EPHA3: variants seen among roughly 807,000 people sequenced by gnomAD.
EPHA3 encodes the protein EPH receptor A3.
Under a neutral mutation model 107.1 loss-of-function variants are expected in EPHA3, and 42 were observed. The observed-to-expected ratio is 0.39, with a 90% CI of 0.31 to 0.51. EPHA3 has a LOEUF of 0.51. EPHA3 is among the 20% of genes least tolerant of loss of function. EPHA3 has a pLI of 0.78. For missense variants in EPHA3, 1,183 were observed against 1,211.2 expected (o/e 0.98, Z 0.35); for synonymous variants, 461 against 424.8 (o/e 1.09, Z -1.05).
At chr3:89,118,620 T>A (rs1707309573) in intron 1 of EPHA3, among the ~76,000 whole-genome samples, 2 of 151,876 alleles carry the variant, frequency 1.3e-5, no homozygotes, top group Admixed American at 1.3e-4. Context: ...GGCACAACTT[T>A]AAGAATCATT....
intron 3 of EPHA3, among the ~76,000 whole-genome samples, chr3:89,308,840 T>C (rs1003365661): frequency 2.0e-5 from 3 of 152,070 alleles, no homozygotes; most frequent in Non-Finnish European, 4.4e-5. Flanking sequence ...CGAAGAAGAT[T>C]CATACTGAAT....
rs1339349496 is a variant in EPHA3 at position 89,351,490 on chromosome 3, G to A, written c.1306+9400G>A. On this transcript the variant is annotated intron_variant, in intron 5 of 16. Transcript: ENST00000336596. ...CTGCTTCGGCTCGCGCACGGTGCGC[G>A]CACCCACTGGCCTGCGCCCACTGTC... is the stretch of plus-strand genomic sequence containing the variant. Among the ~76,000 whole-genome samples, 175 of 141,590 alleles carry A rather than the reference G, an allele frequency of 1.2e-3. 6 individuals carry two copies. The highest frequency in any genetic ancestry group is 1.6e-3 in the Non-Finnish European group (99 of 62,894). The allele number at this position is 141,590 out of a possible 152,430, so 92.9% of individuals were successfully genotyped here.
intron 1 of EPHA3, among the ~76,000 whole-genome samples, chr3:89,119,845 T>A (rs1707338588): frequency 6.6e-6 from 1 of 152,142 alleles, no homozygotes. Flanking sequence ...ACCACTACAT[T>A]CTTTGTTTCC....
chr3:89,297,612 C>T (rs901903795), intron 3 of EPHA3, among the ~76,000 whole-genome samples: 1 of 152,016 alleles, frequency 6.6e-6, no homozygotes, highest in Admixed American at 6.6e-5. Flanking sequence ...CAAAATGTGA[C>T]ACAGAAACAT....
At chr3:89,292,252 T>C (rs546046881) in intron 3 of EPHA3, among the ~76,000 whole-genome samples, 78 of 152,236 alleles carry the variant, frequency 5.1e-4, no homozygotes, top group Non-Finnish European at 8.7e-4. Flanking sequence ...ACAACAGTAA[T>C]AATACAGCAA....
intron 2 of EPHA3, among the ~76,000 whole-genome samples, chr3:89,203,344 A>T (rs1172618537): frequency 2.7e-5 from 4 of 150,058 alleles, no homozygotes; most frequent in Non-Finnish European, 4.4e-5. Context: ...ACAAAACAAA[A>T]CAAAACAAAA....
chr3:89,374,248 A>C (rs1486805669), intron 5 of EPHA3, among the ~76,000 whole-genome samples: 2 of 151,952 alleles, frequency 1.3e-5, no homozygotes, highest in Non-Finnish European at 2.9e-5. Flanking sequence ...AGGCATTTTT[A>C]AGAGGAATTA....
At chr3:89,256,178 G>C (rs965992817) in intron 3 of EPHA3, among the ~76,000 whole-genome samples, 1 of 150,538 alleles carries the variant, frequency 6.6e-6, no homozygotes, top group Non-Finnish European at 1.5e-5. Flanking sequence ...TTGAACCCAG[G>C]AGGCAGAGGT....
At chr3:89,445,031 G>T (rs1277681554) in intron 13 of EPHA3, among the ~76,000 whole-genome samples, 2 of 152,172 alleles carry the variant, frequency 1.3e-5, no homozygotes, top group Non-Finnish European at 2.9e-5. Context: ...TTTGGTAGGT[G>T]GAGGTGGGAA....
At chr3:89,390,233 C>G (rs1708697976) in intron 5 of EPHA3, among the ~76,000 whole-genome samples, 1 of 152,118 alleles carries the variant, frequency 6.6e-6, no homozygotes, top group South Asian at 2.1e-4. Context: ...TCATGATTTG[C>G]CCACCTCAGC....
intron 2 of EPHA3, among the ~76,000 whole-genome samples, chr3:89,146,452 G>C (rs1704560905): frequency 6.6e-6 from 1 of 151,956 alleles, no homozygotes; most frequent in Non-Finnish European, 1.5e-5. Flanking sequence ...TTTGAGAAGT[G>C]TCTGTTCATA....
At chr3:89,319,795 ATAAT>A (rs1191682267) in intron 3 of EPHA3, among the ~76,000 whole-genome samples, 20 of 151,956 alleles carry the variant, frequency 1.3e-4, no homozygotes, top group African/African-American at 4.8e-4. Context: ...TGAATTCCCT[ATAAT>A]TAAAAATTAT....
chr3:89,210,575 A>G (rs533343309), intron 3 of EPHA3, 55 bp downstream of exon 3: 9 of 1,487,382 alleles, frequency 6.1e-6, no homozygotes, highest in South Asian at 1.4e-5. Flanking sequence ...TGAGTTTATC[A>G]TAGTGTCATT....
At chr3:89,243,328 A>G (rs1329992115) in intron 3 of EPHA3, among the ~76,000 whole-genome samples, 2 of 152,180 alleles carry the variant, frequency 1.3e-5, no homozygotes, top group Non-Finnish European at 2.9e-5. Flanking sequence ...AGGAATCTCC[A>G]CACTGACTTC....
chr3:89,324,134 T>C (rs1280309925), intron 3 of EPHA3, among the ~76,000 whole-genome samples: 4 of 151,254 alleles, frequency 2.6e-5, no homozygotes, highest in Admixed American at 2.6e-4. Context: ...AACTGCTCAA[T>C]GTGGAACTTT....
intron 3 of EPHA3, among the ~76,000 whole-genome samples, chr3:89,256,810 A>G (rs1705297765): frequency 6.6e-6 from 1 of 152,198 alleles, no homozygotes; most frequent in South Asian, 2.1e-4. Flanking sequence ...CATGGGTAAC[A>G]TAGTGAAAAT....
intron 15 of EPHA3, among the ~76,000 whole-genome samples, chr3:89,460,615 C>G (rs547834356): frequency 1.3e-5 from 2 of 148,868 alleles, no homozygotes; most frequent in Non-Finnish European, 3.0e-5. Flanking sequence ...TAATAGAATT[C>G]TTTTTGAGAA....
intron 3 of EPHA3, among the ~76,000 whole-genome samples, chr3:89,323,765 C>T (rs188839807): frequency 2.6e-5 from 4 of 152,076 alleles, no homozygotes; most frequent in Admixed American, 2.0e-4. Flanking sequence ...GTATCAGTAA[C>T]GTGAAAGATT....
At chr3:89,375,835 G>T (rs1274874842) in intron 5 of EPHA3, among the ~76,000 whole-genome samples, 1 of 151,924 alleles carries the variant, frequency 6.6e-6, no homozygotes, top group Non-Finnish European at 1.5e-5. Context: ...TCCTTCAGTG[G>T]TTAACTGAGA....
Sources: gnomAD v4.1 joint callset for allele counts (sites outside exome capture counted in the v4.1 genomes callset) on GRCh38, gnomAD v4.1.1 for gene constraint, MANE v1.5 for transcripts, NCBI Gene and HGNC (gene_info 2026-07-23, HGNC 2026-07-21) for gene names.